Variants in MACROH2A2 observed in about 807,000 individuals in gnomAD.
MACROH2A2 encodes macroH2A.2 histone.
Under a neutral mutation model 37.6 loss-of-function variants are expected in MACROH2A2, and 6 were observed. That is an observed-to-expected ratio of 0.16 (90% confidence interval 0.09 to 0.32). The LOEUF (loss-of-function observed/expected upper bound fraction) is 0.32. Ranked by LOEUF, MACROH2A2 falls within the 10% of genes least tolerant of loss-of-function variation. The pLI, the probability that MACROH2A2 is intolerant of heterozygous loss-of-function variation, is 1.00. For synonymous variants in MACROH2A2, 192 were observed against 202.7 expected (o/e 0.95, Z 0.45); for missense variants, 290 against 485.9 (o/e 0.60, Z 3.79).
At chr10:70,096,869 T>G (rs2072279494) in intron 6 of MACROH2A2, among the ~76,000 whole-genome samples, 1 of 152,118 alleles carries the variant, frequency 6.6e-6, no homozygotes, top group Non-Finnish European at 1.5e-5. Flanking sequence ...AGGACAGCCC[T>G]GGGAAAAGTC....
intron 7 of MACROH2A2, among the ~76,000 whole-genome samples, chr10:70,100,817 A>G (rs1444900956): frequency 6.6e-6 from 1 of 152,048 alleles, no homozygotes; most frequent in South Asian, 2.1e-4. Flanking sequence ...GGGTTTTGCC[A>G]TGTTGGCCAG....
Position 70,080,300 on chromosome 10 carries a change from T to C in MACROH2A2, c.172+4470T>C, listed in dbSNP as rs537926650. On this transcript the variant is annotated intron_variant, in intron 2 of 8. Coordinates refer to ENST00000373255, the MANE Select transcript of MACROH2A2 (RefSeq NM_018649.3). ...ATCTCAAAAAAAAAAAAAAGAGTCT[T>C]GCCGAGAGGAAGGAGAAGAGAGAGC... 1.1e-3 allele frequency among the ~76,000 whole-genome samples: 171 copies of C among 149,084 alleles called. 4 individuals carry two copies. The South Asian group carries it at 0.035, about 30-fold the overall frequency.
In MACROH2A2 at chr10:70,053,447, AGGGAGCCCGG is replaced by A. The variant is rs1426920916; in HGVS notation, c.-60+450_-60+459del. Among the ~76,000 whole-genome samples the A allele has an allele frequency of 1.3e-3, 195 of 151,402 alleles. No individual in the cohort carries two copies. The highest frequency in any genetic ancestry group is 4.4e-3 in the African/African-American group (182 of 41,246). Reference sequence around the variant, plus strand: ...TGGGTGGGGGGCTGCGCAGGGCCCGAGGGAGCCCGGGGAGGGCCGCTCGGGGGCCTCTGAA... The same window carrying A: ...TGGGTGGGGGGCTGCGCAGGGCCCGAGGAGGGCCGCTCGGGGGCCTCTGAA... On this transcript the variant is annotated intron_variant, in intron 1 of 8. Transcript: ENST00000373255. The surrounding 1 kb of genome is among the most constrained non-coding windows in gnomAD (Gnocchi z 4.8).
rs751924246 is a variant in MACROH2A2 at position 70,111,627 on chromosome 10, G to A, written c.1063G>A (p.Asp355Asn). ...GAAGAACGTGTACTTCCTGCTCTTC[G>A]ACAGCGAGAGCATCGGCATCTACGT... is the stretch of plus-strand genomic sequence containing the variant. ...SLKNVYFLLF[D>N]SESIGIYVQE... The change falls in exon 9 of 9, where the codon GAC becomes AAC. Residue 355 changes from aspartate (D) to asparagine (N), a missense_variant. By Grantham distance (23) the Asp-to-Asn change is conservative. Transcript: ENST00000373255. The A allele has an allele frequency of 1.2e-6, 2 of 1,613,382 alleles. No individual in the cohort carries two copies. Among genetic ancestry groups the A allele is most frequent in the Admixed American group, 1.7e-5 (1 of 59,932 alleles).
In MACROH2A2 at chr10:70,067,087, A is replaced by G. The variant is rs566166375; in HGVS notation, c.-59-8513A>G. Among the ~76,000 whole-genome samples, 29 of 152,320 alleles carry G rather than the reference A, an allele frequency of 1.9e-4. 1 individual carries two copies. The highest frequency in any genetic ancestry group is 1.8e-3 in the Admixed American group (28 of 15,308). On this transcript the variant is annotated intron_variant, in intron 1 of 8. Coordinates refer to ENST00000373255, the MANE Select transcript of MACROH2A2 (RefSeq NM_018649.3). Reference sequence around the variant, plus strand: ...CCAGAAGCTCAATGTTAATGAGTCAACAATATCTATTAAACAAGGTGTCTT... The same window carrying G: ...CCAGAAGCTCAATGTTAATGAGTCAGCAATATCTATTAAACAAGGTGTCTT...
chr10:70,097,781 A>G (rs1286104332), intron 6 of MACROH2A2, among the ~76,000 whole-genome samples: 1 of 152,208 alleles, frequency 6.6e-6, no homozygotes, highest in Non-Finnish European at 1.5e-5. Context: ...CCAGTGTTCC[A>G]ATTCCAGTTA....
chr10:70,101,950 G>GT (rs1156653515), intron 7 of MACROH2A2, among the ~76,000 whole-genome samples: 1 of 152,082 alleles, frequency 6.6e-6, no homozygotes, highest in Non-Finnish European at 1.5e-5. Context: ...CTGTGCACAA[G>GT]TTTTTTTTAA....
chr10:70,054,530 C>A (rs932811563), intron 1 of MACROH2A2, among the ~76,000 whole-genome samples: 1 of 152,196 alleles, frequency 6.6e-6, no homozygotes. Flanking sequence ...CCAATTGTCA[C>A]CTCACTGGGC....
intron 7 of MACROH2A2, among the ~76,000 whole-genome samples, chr10:70,101,372 C>G (rs2072305954): frequency 6.6e-6 from 1 of 152,144 alleles, no homozygotes. Flanking sequence ...GAGCAAGGAG[C>G]AAGAAGCCAG....
chr10:70,098,344 G>C (rs898281753), intron 6 of MACROH2A2: 8 of 143,268 alleles, frequency 5.6e-5, no homozygotes, highest in Non-Finnish European at 9.1e-5. Flanking sequence ...GGGAGAGAGA[G>C]AGAGAAAGGA....
rs2072141693 is a variant in MACROH2A2 at position 70,076,678 on chromosome 10, C to T, written c.172+848C>T. On this transcript the variant is annotated intron_variant, in intron 2 of 8. Transcript: ENST00000373255. ...TGACTTTGCCCAAGGTTAACAAATT[C>T]CCTAGACACCAAGGTTAAGTTCCTT... Among the ~76,000 whole-genome samples the T allele has an allele frequency of 2.0e-5, 3 of 152,070 alleles. No homozygotes were observed. In the South Asian group the frequency reaches 6.2e-4, roughly 31 times the overall value.
chr10:70,080,172 G>A (rs930405218), intron 2 of MACROH2A2, among the ~76,000 whole-genome samples: 28 of 151,946 alleles, frequency 1.8e-4, no homozygotes, highest in African/African-American at 5.8e-4. Flanking sequence ...CCAGCTACTC[G>A]TGAGGCTGAG....
intron 7 of MACROH2A2, among the ~76,000 whole-genome samples, chr10:70,105,901 G>A (rs2072334891): frequency 6.6e-6 from 1 of 152,192 alleles, no homozygotes; most frequent in African/African-American, 2.4e-5. Context: ...CCCCAGAAAG[G>A]TCATGAGGTG....
In MACROH2A2 at chr10:70,065,470, A is replaced by C. The variant is rs148054329; in HGVS notation, c.-59-10130A>C. Among the ~76,000 whole-genome samples, 232 of 152,352 alleles carry C rather than the reference A, an allele frequency of 1.5e-3. 1 individual carries two copies. The highest frequency in any genetic ancestry group is 5.2e-3 in the African/African-American group (217 of 41,594). ...AAGTGAAAGATGAAAATCAATCAAT[A>C]AATAAATAGAACAACTGCCTGATAA... is the stretch of plus-strand genomic sequence containing the variant. On this transcript the variant is annotated intron_variant, in intron 1 of 8. Coordinates refer to ENST00000373255, the MANE Select transcript of MACROH2A2 (RefSeq NM_018649.3).
intron 3 of MACROH2A2, among the ~76,000 whole-genome samples, chr10:70,090,462 C>T (rs1049943757): frequency 6.6e-6 from 1 of 152,212 alleles, no homozygotes; most frequent in African/African-American, 2.4e-5. Context: ...ATTCTCTTCA[C>T]TTTCTTCACC....
In MACROH2A2 at chr10:70,053,496, G is replaced by A. The variant is rs1377185949; in HGVS notation, c.-60+496G>A. ...GGGGCCTCTGAAGGTGCCCGGGCAG[G>A]GCGCCGGCGGCTCCAGGCTGACAAT... On this transcript the variant is annotated intron_variant, in intron 1 of 8. Coordinates refer to ENST00000373255, the MANE Select transcript of MACROH2A2 (RefSeq NM_018649.3). This position sits in a 1 kb window ranked among gnomAD's most constrained non-coding sequence, Gnocchi z 4.8. Among the ~76,000 whole-genome samples the A allele has an allele frequency of 6.6e-6, 1 of 151,976 alleles. No homozygotes were observed. Among genetic ancestry groups the A allele is most frequent in the African/African-American group, 2.4e-5 (1 of 41,408 alleles).
At chr10:70,093,368 G>A (rs1424507582) in intron 4 of MACROH2A2, among the ~76,000 whole-genome samples, 2 of 152,084 alleles carry the variant, frequency 1.3e-5, no homozygotes, top group African/African-American at 2.4e-5. Flanking sequence ...TCTGTGCCCC[G>A]AGAAATCCTG....
At chr10:70,078,182 G>A (rs761594421) in intron 2 of MACROH2A2, among the ~76,000 whole-genome samples, 2 of 152,186 alleles carry the variant, frequency 1.3e-5, no homozygotes, top group South Asian at 2.1e-4. Flanking sequence ...CTTCCTGTTC[G>A]TTCATCCATT....
At chr10:70,073,238 C>T (rs761934308) in intron 1 of MACROH2A2, among the ~76,000 whole-genome samples, 4 of 152,296 alleles carry the variant, frequency 2.6e-5, no homozygotes, top group Non-Finnish European at 4.4e-5. Context: ...CTCTTTCCTG[C>T]GACAGGGCTG....
Sources: gnomAD v4.1 joint callset for allele counts (sites outside exome capture counted in the v4.1 genomes callset) on GRCh38, gnomAD v4.1.1 for gene constraint, Gnocchi (gnomAD v3.1) non-coding constraint, MANE v1.5 for transcripts, NCBI Gene and HGNC (gene_info 2026-07-23, HGNC 2026-07-21) for gene names.